Variants in FOXN1 observed in about 807,000 individuals in gnomAD.
The protein encoded by FOXN1 is forkhead box N1.
A neutral mutation model predicts 49.0 loss-of-function variants in FOXN1; 15 were observed. That is an observed-to-expected ratio of 0.31 (90% CI 0.20 to 0.47). FOXN1 has a LOEUF of 0.47. Among genes scored for constraint, FOXN1 ranks in the 20% least tolerant of loss-of-function variants. FOXN1 has a pLI of 1.00. For synonymous variants in FOXN1, 356 were observed against 369.0 expected (o/e 0.96, Z 0.40); for missense variants, 800 against 842.8 (o/e 0.95, Z 0.63).
intron 3 of FOXN1, among the ~76,000 whole-genome samples, chr17:28,526,704 T>C (rs1314661406): frequency 6.6e-6 from 1 of 152,176 alleles, no homozygotes; most frequent in Non-Finnish European, 1.5e-5. Context: ...GAGGAGTTAC[T>C]AGCCCCATTC....
At chr17:28,526,459 C>T (rs1567880062) in intron 3 of FOXN1, among the ~76,000 whole-genome samples, 1 of 152,242 alleles carries the variant, frequency 6.6e-6, no homozygotes, top group Non-Finnish European at 1.5e-5. Context: ...CGGGGCCTAG[C>T]TGCACACCCT....
Position 28,537,153 on chromosome 17 carries a change from C to T in FOXN1, c.1664C>T (p.Ala555Val), listed in dbSNP as rs187814037. The T allele has an allele frequency of 8.1e-5, 130 of 1,614,028 alleles. No individual in the cohort carries two copies. In the East Asian group the frequency reaches 2.7e-3, roughly 33 times the overall value. ...GAACAGTTGAAGGATGATAGCTTGGCCCTCGACCCCCTGGTACTGGTGACC... is the reference window on the plus strand; with the variant it reads ...GAACAGTTGAAGGATGATAGCTTGGTCCTCGACCCCCTGGTACTGGTGACC... ...LWEQLKDDSL[A>V]LDPLVLVTSS... Residue 555 changes from alanine to valine, a missense_variant, in exon 9 of 9, where the codon GCC (alanine) becomes GTC (valine). Coordinates refer to ENST00000579795, the MANE Select transcript of FOXN1 (RefSeq NM_001369369.1).
At chr17:28,528,291 A>C (rs573883023) in intron 4 of FOXN1, among the ~76,000 whole-genome samples, 1 of 152,318 alleles carries the variant, frequency 6.6e-6, no homozygotes, top group East Asian at 1.9e-4. Flanking sequence ...AGCTATCCTG[A>C]GGCTCATGGT....
In FOXN1 at chr17:28,524,114, C is replaced by T. The variant is rs187775691; in HGVS notation, c.123+22C>T. The stretch of plus-strand genomic sequence containing the variant: ...GAGTGTAAGTACCCGGCATCTGGGC[C>T]TGGGTTTAGGCCAAGGCCTGCGGCT... On this transcript the variant is annotated intron_variant, in intron 2 of 8. Transcript: ENST00000579795. 17 of 1,572,580 alleles carry T rather than the reference C, an allele frequency of 1.1e-5. No homozygotes were observed. In the East Asian group the frequency reaches 4.0e-4, roughly 37 times the overall value.
chr17:28,535,209 G>C lies in FOXN1; in HGVS notation c.1627+11G>C, dbSNP rs1402641805. 6.2e-7 allele frequency: 1 copy of C among 1,611,978 alleles called. No homozygotes were observed. The highest frequency in any genetic ancestry group is 8.5e-7 in the Non-Finnish European group (1 of 1,179,858). On this transcript the variant is annotated intron_variant, in intron 8 of 8. Coordinates refer to ENST00000579795, the MANE Select transcript of FOXN1 (RefSeq NM_001369369.1). ...ACTTCGACTTCCAGGGTGAGCTGGG[G>C]GTGGGAAAGGGAAGGTGGGACAGGA...
rs910603696 is a variant in FOXN1, at chr17:28,537,616, C to T, written c.*180C>T. The T allele has an allele frequency of 3.1e-6, 2 of 654,118 alleles. No individual in the cohort carries two copies. Among genetic ancestry groups the T allele is most frequent in the African/African-American group, 1.8e-5 (1 of 56,150 alleles). 40.5% of individuals were successfully genotyped at this position (654,118 alleles called of 1,614,324 possible). A position where few individuals can be genotyped will look rare whatever the true frequency, so the allele number is the denominator to read the frequency against. ...CAGAGGACATCACCTGGGGTGCTGC[C>T]TCTCACACATTTCTGCCACGTGGTG... On this transcript the variant is annotated 3_prime_UTR_variant, in exon 9 of 9. Transcript: ENST00000579795.
At chr17:28,507,484 T>C (rs1457921779) in intron 1 of FOXN1, among the ~76,000 whole-genome samples, 1 of 152,112 alleles carries the variant, frequency 6.6e-6, no homozygotes, top group East Asian at 1.9e-4. Context: ...TCTTGGGAAG[T>C]CATCCTATCC....
In FOXN1 at chr17:28,536,637, G is replaced by A. The variant is rs570194497; in HGVS notation, c.1628-480G>A. 3.3e-5 allele frequency among the ~76,000 whole-genome samples: 5 copies of A among 152,318 alleles called. No homozygotes were observed. The East Asian group carries it at 7.7e-4, about 24-fold the overall frequency. On this transcript the variant is annotated intron_variant, in intron 8 of 8. Transcript: ENST00000579795. ...CACTGTTTGCTCCTCGGACTCAGGT[G>A]TGCATCCTGGCTCTGCTCCCATTCC...
Position 28,537,941 on chromosome 17 carries a change from C to T in FOXN1, c.*505C>T, listed in dbSNP as rs996309452. On this transcript the variant is annotated 3_prime_UTR_variant, in exon 9 of 9. Transcript: ENST00000579795. ...ACATCCACATGCTCTGCAGTCCTGGCCCCCTCGTCATTTTCTTTCCCAGAA... is the reference window on the plus strand; with the variant it reads ...ACATCCACATGCTCTGCAGTCCTGGTCCCCTCGTCATTTTCTTTCCCAGAA... 7 of 169,696 alleles carry T rather than the reference C, an allele frequency of 4.1e-5. No individual in the cohort carries two copies. Among genetic ancestry groups the T allele is most frequent in the Admixed American group, 4.0e-4 (7 of 17,584 alleles). The allele number at this position is 169,696 out of a possible 1,614,324, so 10.5% of individuals were successfully genotyped here.
rs771100986 is a variant in FOXN1, at chr17:28,529,186, G to T, written c.792G>T (p.Gly264=). 6.2e-7 allele frequency: 1 copy of T among 1,613,368 alleles called. No individual in the cohort carries two copies. The highest frequency in any genetic ancestry group is 8.5e-7 in the Non-Finnish European group (1 of 1,179,928). Residue 264 remains glycine, a synonymous_variant, in exon 5 of 9, where the codon GGG becomes GGT. Coordinates refer to ENST00000579795, the MANE Select transcript of FOXN1 (RefSeq NM_001369369.1). The stretch of plus-strand genomic sequence containing the variant: ...TGGCACCCCAGGCCAGCACCGATGG[G>T]CACCAGCCTCTCTTCCCAAAACCCA... The part of the protein sequence containing the change: ...QRMAPQASTD[G]HQPLFPKPIY...
At chr17:28,519,193 C>T (rs897583020) in intron 1 of FOXN1, among the ~76,000 whole-genome samples, 5 of 151,994 alleles carry the variant, frequency 3.3e-5, no homozygotes, top group African/African-American at 4.8e-5. Flanking sequence ...GGGCTGGGCG[C>T]GGTGGTGCAC....
chr17:28,507,581 C>T (rs1555606308), intron 1 of FOXN1, among the ~76,000 whole-genome samples: 1 of 152,150 alleles, frequency 6.6e-6, no homozygotes, highest in Non-Finnish European at 1.5e-5. Flanking sequence ...AAAATCTGGT[C>T]AGTTTCCTCA....
chr17:28,521,584 G>T (rs1477098328), intron 1 of FOXN1, among the ~76,000 whole-genome samples: 2 of 152,224 alleles, frequency 1.3e-5, no homozygotes, highest in African/African-American at 2.4e-5. Context: ...GCGCTTCCCT[G>T]GTCACGCCAC....
In FOXN1 at chr17:28,524,822, C is replaced by T. The variant is rs1191129218; in HGVS notation, c.443C>T (p.Ser148Phe). Reference protein sequence around the residue: ...AETTLALKGHSFKTPGPLEAF... With the variant: ...AETTLALKGHFFKTPGPLEAF... The stretch of plus-strand genomic sequence containing the variant: ...ACCACCCTGGCCCTCAAAGGACACT[C>T]CTTTAAGACCCCAGGGCCGCTGGAG... Residue 148 changes from serine to phenylalanine, a missense_variant, in exon 3 of 9, where the codon TCC becomes TTC. This residue lies in a region of FOXN1 where 383 missense variants were observed against 357.9 expected (regional missense o/e 1.07). Coordinates refer to ENST00000579795, the MANE Select transcript of FOXN1 (RefSeq NM_001369369.1). 1 of 1,613,804 alleles carries T rather than the reference C, an allele frequency of 6.2e-7. No homozygotes were observed. Among genetic ancestry groups the T allele is most frequent in the Non-Finnish European group, 8.5e-7 (1 of 1,180,022 alleles).
At position 28,538,352 on chromosome 17, in the gene FOXN1, T is replaced by C. The variant is rs1249611417; in HGVS notation, c.*916T>C. 6.6e-6 allele frequency: 1 copy of C among 152,234 alleles called. No individual in the cohort carries two copies. Among genetic ancestry groups the C allele is most frequent in the African/African-American group, 2.4e-5 (1 of 41,460 alleles). The allele number at this position is 152,234 out of a possible 1,614,324, so 9.4% of individuals were successfully genotyped here. Reference sequence around the variant, plus strand: ...GGTCCTGGCTTAACTCTACTTATGATGGTTCAACTTACACTTTTTCAACTT... The same window carrying C: ...GGTCCTGGCTTAACTCTACTTATGACGGTTCAACTTACACTTTTTCAACTT... On this transcript the variant is annotated 3_prime_UTR_variant, in exon 9 of 9. Coordinates refer to ENST00000579795, the MANE Select transcript of FOXN1 (RefSeq NM_001369369.1).
chr17:28,531,442 C>A (rs563742210), intron 6 of FOXN1, among the ~76,000 whole-genome samples: 2 of 152,114 alleles, frequency 1.3e-5, no homozygotes, highest in African/African-American at 4.8e-5. Context: ...TCACAGAAGG[C>A]GCTTCTGGGA....
chr17:28,521,440 C>T lies in FOXN1; in HGVS notation c.-14-2516C>T, dbSNP rs550206293. Among the ~76,000 whole-genome samples, 92 of 152,364 alleles carry T rather than the reference C, an allele frequency of 6.0e-4. No individual in the cohort carries two copies. The South Asian group carries it at 0.016, about 27-fold the overall frequency. On this transcript the variant is annotated intron_variant, in intron 1 of 8. Coordinates refer to ENST00000579795, the MANE Select transcript of FOXN1 (RefSeq NM_001369369.1). ...GCTCTGGGCCGGGGTGAGGTGTGGCCTCCAGGCAGGCCCGAGCTCTCCAGG... is the reference window on the plus strand; with the variant it reads ...GCTCTGGGCCGGGGTGAGGTGTGGCTTCCAGGCAGGCCCGAGCTCTCCAGG...
intron 3 of FOXN1, among the ~76,000 whole-genome samples, 157 bp downstream of exon 3, chr17:28,525,124 G>C (rs1429655528): frequency 6.6e-6 from 1 of 152,226 alleles, no homozygotes; most frequent in East Asian, 1.9e-4. Context: ...AGCTGGGGAG[G>C]GGTGTTGGCC....
intron 1 of FOXN1, among the ~76,000 whole-genome samples, chr17:28,519,954 C>T (rs781709827): frequency 2.0e-5 from 3 of 151,952 alleles, no homozygotes; most frequent in Non-Finnish European, 4.4e-5. Context: ...ATAACTCAGG[C>T]CTTAAACAAA....
Sources: gnomAD v4.1 joint callset for allele counts (sites outside exome capture counted in the v4.1 genomes callset) on GRCh38, gnomAD v4.1.1 for gene constraint, gnomAD v4.1.1 regional missense constraint, MANE v1.5 for transcripts, NCBI Gene and HGNC (gene_info 2026-07-23, HGNC 2026-07-21) for gene names.